ASIP: variants seen among roughly 807,000 people sequenced by gnomAD.
ASIP encodes the protein agouti signaling protein.
Under a neutral mutation model 10.3 loss-of-function variants are expected in ASIP, and 11 were observed. The ratio of observed to expected loss-of-function variants is 1.07; its 90% CI spans 0.68 to 1.78. ASIP has a LOEUF of 1.78. Ranked by LOEUF, ASIP falls within the 40% of genes most tolerant of loss-of-function variation. The pLI is 0.00. For synonymous variants in ASIP, 70 were observed against 70.8 expected (o/e 0.99, Z 0.06); for missense variants, 180 against 169.2 (o/e 1.06, Z -0.35).
chr20:34,220,540 T>C (rs1032884774), intron 1 of ASIP, among the ~76,000 whole-genome samples: 3 of 150,336 alleles, frequency 2.0e-5, no homozygotes, highest in African/African-American at 7.4e-5. Context: ...GGTTGCAGTG[T>C]GCTGAGATCA....
At chr20:34,265,895 A>C (rs1055150223) in intron 3 of ASIP, among the ~76,000 whole-genome samples, 2 of 151,100 alleles carry the variant, frequency 1.3e-5, no homozygotes, top group Admixed American at 6.6e-5. Context: ...GGTTGCAGTG[A>C]GCCAAGATCA....
intron 1 of ASIP, among the ~76,000 whole-genome samples, chr20:34,223,303 G>A (rs1441006331): frequency 2.0e-5 from 3 of 150,162 alleles, no homozygotes; most frequent in Non-Finnish European, 3.0e-5. Flanking sequence ...TGTGAGGAGC[G>A]CCTCTGCCCG....
intron 1 of ASIP, among the ~76,000 whole-genome samples, chr20:34,231,723 A>G (rs1173585095): frequency 3.3e-5 from 5 of 152,258 alleles, no homozygotes. Context: ...TCTACCAAAA[A>G]ATATGCAAAT....
At chr20:34,261,109 T>C (rs2035682013) in intron 2 of ASIP, among the ~76,000 whole-genome samples, 1 of 152,228 alleles carries the variant, frequency 6.6e-6, no homozygotes, top group African/African-American at 2.4e-5. Context: ...ACACAGTTTT[T>C]AACTGGCAAA....
At chr20:34,226,068 A>G (rs202229724) in intron 1 of ASIP, among the ~76,000 whole-genome samples, 1 of 151,316 alleles carries the variant, frequency 6.6e-6, no homozygotes, top group Non-Finnish European at 1.5e-5. Context: ...TAATTTTTGT[A>G]TTTTTAGTAG....
intron 1 of ASIP, among the ~76,000 whole-genome samples, chr20:34,224,656 C>A (rs1305952350): frequency 6.6e-6 from 1 of 150,590 alleles, no homozygotes; most frequent in East Asian, 2.0e-4. Flanking sequence ...CCAAAGAGGA[C>A]TCCTAGGATT....
At chr20:34,220,006 C>T (rs113523465) in intron 1 of ASIP, among the ~76,000 whole-genome samples, 21,943 of 152,044 alleles carry the variant, frequency 0.14, 5,403 homozygotes, top group African/African-American at 0.5. Flanking sequence ...AGGAGAATGG[C>T]ATGAACCCGG....
At chr20:34,247,425 C>T (rs1262584533) in intron 1 of ASIP, among the ~76,000 whole-genome samples, 4 of 151,660 alleles carry the variant, frequency 2.6e-5, no homozygotes, top group South Asian at 2.1e-4. Context: ...CTCAGCCTCC[C>T]GAGTAGCTGG....
At chr20:34,247,101 A>C (rs2035389588) in intron 1 of ASIP, among the ~76,000 whole-genome samples, 2 of 150,732 alleles carry the variant, frequency 1.3e-5, no homozygotes, top group Admixed American at 1.3e-4. Context: ...TAGGTGATCC[A>C]CCTGCCTCAT....
At chr20:34,260,260 C>A (rs1443559491) in intron 1 of ASIP, 105 bp from the exon 2 acceptor site, 2 of 1,207,718 alleles carry the variant, frequency 1.7e-6, no homozygotes, top group Non-Finnish European at 2.3e-6. Context: ...GGACACTTGC[C>A]TAACAGGGTC....
intron 1 of ASIP, chr20:34,213,951 T>G (rs1403498111): frequency 6.3e-6 from 10 of 1,575,954 alleles, no homozygotes; most frequent in East Asian, 4.5e-5. Context: ...CTTCATCTTG[T>G]GCCAGCATCA....
chr20:34,212,554 C>G (rs2034981265), intron 1 of ASIP, among the ~76,000 whole-genome samples: 1 of 152,118 alleles, frequency 6.6e-6, no homozygotes, highest in South Asian at 2.1e-4. Flanking sequence ...AATACATTAT[C>G]TACTGTCTAT....
At chr20:34,235,931 C>A (rs1282542570) in intron 1 of ASIP, among the ~76,000 whole-genome samples, 28 of 49,282 alleles carry the variant, frequency 5.7e-4, no homozygotes, top group African/African-American at 3.0e-3. Context: ...AGGAAGGAAG[C>A]GGGAGGGAGG....
chr20:34,240,557 A>G (rs2035270900), upstream of ASIP, among the ~76,000 whole-genome samples: 2 of 152,142 alleles, frequency 1.3e-5, no homozygotes, highest in Non-Finnish European at 2.9e-5. Flanking sequence ...ATATTCCTGC[A>G]AAAAAAGGTC....
At chr20:34,267,614 C>T (rs2035809998) in intron 3 of ASIP, among the ~76,000 whole-genome samples, 2 of 152,018 alleles carry the variant, frequency 1.3e-5, no homozygotes, top group South Asian at 4.1e-4. Context: ...TCACAGCAAC[C>T]TCCACCTCCC....
chr20:34,212,939 T>G (rs767249514), intron 1 of ASIP, among the ~76,000 whole-genome samples: 3 of 152,230 alleles, frequency 2.0e-5, no homozygotes, highest in Non-Finnish European at 2.9e-5. Flanking sequence ...ACTCCAGCAC[T>G]GCTTTTGAGT....
the ASIP span, among the ~76,000 whole-genome samples, chr20:34,187,722 T>C: frequency 6.6e-6 from 1 of 152,206 alleles, no homozygotes; most frequent in Non-Finnish European, 1.5e-5. Flanking sequence ...GTGAGGAGTG[T>C]TCCTTGATGG....
At chr20:34,192,534 T>C (rs1320189387), upstream of ASIP, among the ~76,000 whole-genome samples, 1 of 151,304 alleles carries the variant, frequency 6.6e-6, no homozygotes, top group Non-Finnish European at 1.5e-5. Flanking sequence ...TTTTTTTTTT[T>C]CCTGAGATGA....
intron 1 of ASIP, among the ~76,000 whole-genome samples, chr20:34,223,514 G>A (rs1368775768): frequency 2.7e-5 from 4 of 150,582 alleles, no homozygotes; most frequent in Non-Finnish European, 4.4e-5. Context: ...CAGCCCCCCC[G>A]CCCGGCCAGC....
Sources: allele counts gnomAD v4.1 joint callset (sites outside exome capture counted in the v4.1 genomes callset), GRCh38; gene constraint gnomAD v4.1.1; transcripts MANE v1.5; gene names NCBI Gene and HGNC (gene_info 2026-07-23, HGNC 2026-07-21).